TOPBP1: variants seen among roughly 807,000 people sequenced by gnomAD.
TOPBP1 encodes DNA topoisomerase 2-binding protein 1.
A neutral mutation model predicts 167.7 loss-of-function variants in TOPBP1; 28 were observed. The ratio of observed to expected loss-of-function variants is 0.17; its 90% CI spans 0.12 to 0.23. The LOEUF is 0.23. Ranked by LOEUF, TOPBP1 falls within the 10% of genes least tolerant of loss-of-function variation. TOPBP1 has a pLI of 1.00. For synonymous variants in TOPBP1, 598 were observed against 611.4 expected, an observed-to-expected ratio of 0.98 and a Z score of 0.32; for missense variants, 1,554 against 1,809.6, an observed-to-expected ratio of 0.86 and a Z score of 2.56.
Position 133,655,481 on chromosome 3 carries a change from A to G in TOPBP1, c.551T>C (p.Ile184Thr). 1 of 1,462,426 alleles carries G rather than the reference A, an allele frequency of 6.8e-7. No homozygotes were observed. The highest frequency in any genetic ancestry group is 9.1e-7 in the Non-Finnish European group (1 of 1,099,202). The allele number at this position is 1,462,426 out of a possible 1,614,324, so 90.6% of individuals were successfully genotyped here. Residue 184 changes from isoleucine (I) to threonine (T), a missense_variant, in exon 6 of 28, where the codon ATA (isoleucine) becomes ACA (threonine). Physicochemically the swap from Ile to Thr is moderately conservative, Grantham distance 89. Around this residue, in one of 3 missense-constraint regions of TOPBP1, gnomAD observed 1,197 missense variants for 1,351.5 expected, o/e 0.89. Coordinates refer to ENST00000260810, the MANE Select transcript of TOPBP1 (RefSeq NM_007027.4). ...TLWEKSQEKKITRYTDINMED... is the reference protein window; with the variant it reads ...TLWEKSQEKKTTRYTDINMED... ...CATGTTTATATCAGTATATCTAGTT[A>G]TTTTTCTGTGGGAATCAAATGGTTA...
chr3:133,636,456 T>C (rs1418025114), intron 14 of TOPBP1, among the ~76,000 whole-genome samples: 1 of 152,030 alleles, frequency 6.6e-6, no homozygotes, highest in East Asian at 1.9e-4. Context: ...TATAAGATTA[T>C]AAGATGAAGC....
rs1356241856 is a variant in TOPBP1, at chr3:133,655,498, A to G, written c.546-12T>C. On this transcript the variant is annotated splice_polypyrimidine_tract_variant and intron_variant, in intron 5 of 27. Coordinates refer to ENST00000260810, the MANE Select transcript of TOPBP1 (RefSeq NM_007027.4). The stretch of plus-strand genomic sequence containing the variant: ...ATCTAGTTATTTTTCTGTGGGAATC[A>G]AATGGTTAAAAAAGAACATATTAAA... The G allele has an allele frequency of 8.9e-6, 12 of 1,348,992 alleles. No individual in the cohort carries two copies. Among genetic ancestry groups the G allele is most frequent in the Non-Finnish European group, 1.1e-5 (11 of 1,020,446 alleles). 83.6% of individuals were successfully genotyped at this position (1,348,992 alleles called of 1,614,324 possible). A position where few individuals can be genotyped will look rare whatever the true frequency, so the allele number is the denominator to read the frequency against.
Position 133,617,240 on chromosome 3 carries a change from G to T in TOPBP1, c.3679C>A (p.His1227Asn). 6.2e-7 allele frequency: 1 copy of T among 1,613,872 alleles called. No individual in the cohort carries two copies. The highest frequency in any genetic ancestry group is 2.2e-5 in the East Asian group (1 of 44,874). The stretch of plus-strand genomic sequence containing the variant: ...GGGGCTTGAGGCGTAGGGATCAGGT[G>T]GCTGTCTTTTATGGGAGTTTCCAGT... ...EELETPIKDS[H>N]LIPTPQAPSI... The change falls in exon 22 of 28, where the codon CAC (histidine) becomes AAC (asparagine). Residue 1227 changes from histidine (H) to asparagine (N), a missense_variant. By Grantham distance (68) the His-to-Asn change is moderately conservative (BLOSUM62 1). Transcript: ENST00000260810.
chr3:133,636,375 A>G (rs1935675177), intron 14 of TOPBP1, among the ~76,000 whole-genome samples: 1 of 135,960 alleles, frequency 7.4e-6, no homozygotes, highest in African/African-American at 2.8e-5. Flanking sequence ...TCAACATACC[A>G]TATTATATCA....
intron 6 of TOPBP1, among the ~76,000 whole-genome samples, chr3:133,653,738 T>C (rs1266588818): frequency 1.3e-5 from 2 of 151,870 alleles, no homozygotes; most frequent in African/African-American, 2.4e-5. Context: ...CAAGCGATTC[T>C]CCTGCCTCAG....
At chr3:133,636,508 AAC>A (rs1935682484) in intron 14 of TOPBP1, among the ~76,000 whole-genome samples, 2 of 152,146 alleles carry the variant, frequency 1.3e-5, no homozygotes, top group Admixed American at 1.3e-4. Flanking sequence ...AAAGAGGAAA[AAC>A]ACTGCTCAAT....
At chr3:133,628,040 C>A in intron 16 of TOPBP1, 1 of 236,664 alleles carries the variant, frequency 4.2e-6, no homozygotes, top group Non-Finnish European at 8.3e-6. Context: ...AGACTCTAAA[C>A]TCCTTGAACA....
chr3:133,652,059 G>A (rs1457510470), intron 8 of TOPBP1, among the ~76,000 whole-genome samples: 1 of 151,918 alleles, frequency 6.6e-6, no homozygotes, highest in African/African-American at 2.4e-5. Flanking sequence ...ATGCCCAGGA[G>A]TTCAAGGTTA....
At chr3:133,648,671 C>T (rs1450643842) in intron 10 of TOPBP1, among the ~76,000 whole-genome samples, 1 of 152,136 alleles carries the variant, frequency 6.6e-6, no homozygotes, top group Non-Finnish European at 1.5e-5. Flanking sequence ...GTGGCGCATG[C>T]CTGTAATCCC....
chr3:133,643,237 CTT>C lies in TOPBP1; in HGVS notation c.1982_1983del (p.Lys661ArgfsTer43). On this transcript the variant is annotated frameshift_variant, in exon 12 of 28. Coordinates refer to ENST00000260810, the MANE Select transcript of TOPBP1 (RefSeq NM_007027.4). LOFTEE classifies it high-confidence loss of function. ...ISFSQCAGAE[K>X]ESLTFLANLL... ...AGGTTTGCTAGGAATGTTAAAGACTCTTTTTCTGCTCCAGCACACTGGCTAAA... is the reference window on the plus strand; with the variant it reads ...AGGTTTGCTAGGAATGTTAAAGACTCTTTCTGCTCCAGCACACTGGCTAAA... The C allele has an allele frequency of 6.2e-7, 1 of 1,606,010 alleles. No individual in the cohort carries two copies. The highest frequency in any genetic ancestry group is 8.5e-7 in the Non-Finnish European group (1 of 1,177,360).
Position 133,609,804 on chromosome 3 carries a change from A to C in TOPBP1, c.4174-842T>G, listed in dbSNP as rs79255294. Among the ~76,000 whole-genome samples the C allele has an allele frequency of 7.8e-3, 1,185 of 152,312 alleles. 9 individuals are homozygous for C. Among genetic ancestry groups the C allele is most frequent in the African/African-American group, 0.027 (1,103 of 41,568 alleles). On this transcript the variant is annotated intron_variant, in intron 25 of 27. Transcript: ENST00000260810. The stretch of plus-strand genomic sequence containing the variant: ...AACCTCTTTCCTTTATAAATGACCC[A>C]GTCTCAGGTGTTGCTTCATAGCAGC...
intron 10 of TOPBP1, 77 bp downstream of exon 10, chr3:133,649,306 G>A (rs1936196830): frequency 4.7e-6 from 7 of 1,481,512 alleles, no homozygotes; most frequent in Non-Finnish European, 6.3e-6. Flanking sequence ...AGAAAACTTG[G>A]CAGAAATCAC....
In TOPBP1 at chr3:133,605,166, T is replaced by C. The variant is rs151149675; in HGVS notation, c.4425+3369A>G. Among the ~76,000 whole-genome samples, 340 of 149,582 alleles carry C rather than the reference T, an allele frequency of 2.3e-3. 5 individuals carry two copies. The highest frequency in any genetic ancestry group is 0.014 in the East Asian group (69 of 5,108). On this transcript the variant is annotated intron_variant, in intron 27 of 27. Transcript: ENST00000260810. ...GTGAGCTGAGATCAAGCCATTGCAC[T>C]CCAGTGTGGGCAACAGAGCCAGACC...
intron 23 of TOPBP1, among the ~76,000 whole-genome samples, chr3:133,614,280 T>C (rs1934785771): frequency 6.6e-6 from 1 of 152,160 alleles, no homozygotes; most frequent in African/African-American, 2.4e-5. Flanking sequence ...TCTGCATTTA[T>C]GCACATGAAA....
rs547263106 is a variant in TOPBP1, at chr3:133,623,362, C to G, written c.3024G>C (p.Arg1008=). Residue 1008 remains arginine, a synonymous_variant, in exon 18 of 28, where the codon CGG becomes CGC. Coordinates refer to ENST00000260810, the MANE Select transcript of TOPBP1 (RefSeq NM_007027.4). ...SLDISAVQDG[R]LCNSRLLSAV... is the part of the protein sequence containing the mutation. ...CTGAGAGTAGTCGACTATTACAGAG[C>G]CGGCCATCTTGCACTGCGCTGATAT... The G allele has an allele frequency of 1.4e-5, 22 of 1,613,504 alleles. 1 individual carries two copies. Among genetic ancestry groups the G allele is most frequent in the South Asian group, 1.1e-4 (10 of 90,998 alleles).
At chr3:133,615,834 T>C (rs1229970298) in intron 23 of TOPBP1, among the ~76,000 whole-genome samples, 1 of 152,180 alleles carries the variant, frequency 6.6e-6, no homozygotes, top group African/African-American at 2.4e-5. Flanking sequence ...CTTGAATTCC[T>C]AGGCTCAAGC....
rs567921464 is a variant in TOPBP1, at chr3:133,639,933, T to C, written c.2233+26A>G. 6.9e-6 allele frequency: 11 copies of C among 1,600,550 alleles called. No individual in the cohort carries two copies. The East Asian group carries it at 2.5e-4, about 36-fold the overall frequency. On this transcript the variant is annotated intron_variant, in intron 13 of 27. Transcript: ENST00000260810. ...GAAACCATCTAGTTGTAAATATATA[T>C]AAAAGAACAGAATAAAAGTATTAAC...
chr3:133,623,340 A>G lies in TOPBP1; in HGVS notation c.3046T>C (p.Ser1016Pro), dbSNP rs1388995861. Residue 1016 changes from serine (S) to proline (P), a missense_variant, in exon 18 of 28, where the codon TCA (serine) becomes CCA (proline). Physicochemically the swap from Ser to Pro is moderately conservative, Grantham distance 74. Coordinates refer to ENST00000260810, the MANE Select transcript of TOPBP1 (RefSeq NM_007027.4). ...TCATCCTTTGTTGAAGACACAGCTGAGAGTAGTCGACTATTACAGAGCCGG... is the reference window on the plus strand; with the variant it reads ...TCATCCTTTGTTGAAGACACAGCTGGGAGTAGTCGACTATTACAGAGCCGG... ...DGRLCNSRLL[S>P]AVSSTKDDEP... 1.2e-6 allele frequency: 2 copies of G among 1,613,722 alleles called. No individual in the cohort carries two copies. The highest frequency in any genetic ancestry group is 1.7e-6 in the Non-Finnish European group (2 of 1,179,796).
intron 16 of TOPBP1, among the ~76,000 whole-genome samples, chr3:133,626,067 G>T (rs1935256931): frequency 6.6e-6 from 1 of 152,100 alleles, no homozygotes; most frequent in Non-Finnish European, 1.5e-5. Flanking sequence ...TCAGGGTTTG[G>T]CAAATTTTTT....
Sources: allele counts gnomAD v4.1 joint callset (sites outside exome capture counted in the v4.1 genomes callset), GRCh38; gene constraint gnomAD v4.1.1; regional missense constraint gnomAD v4.1.1; transcripts MANE v1.5; gene names NCBI Gene and HGNC (gene_info 2026-07-23, HGNC 2026-07-21).